The following TSGA10 variants were observed in gnomAD, a reference collection of about 807,000 sequenced individuals.
TSGA10 encodes testis-specific gene 10 protein.
Under a neutral mutation model 96.6 loss-of-function variants are expected in TSGA10, and 43 were observed. That is an observed-to-expected ratio of 0.44 (90% CI 0.35 to 0.57). The LOEUF (loss-of-function observed/expected upper bound fraction) is 0.57. Among genes scored for constraint, TSGA10 ranks in the 20% least tolerant of loss-of-function variants. The pLI is 0.01. For missense variants in TSGA10, 703 were observed against 834.4 expected, an observed-to-expected ratio of 0.84 and a Z score of 1.94; for synonymous variants, 229 against 269.9, an observed-to-expected ratio of 0.85 and a Z score of 1.48.
At chr2:99,123,645 T>C (rs2092689704) in intron 2 of TSGA10, among the ~76,000 whole-genome samples, 1 of 152,224 alleles carries the variant, frequency 6.6e-6, no homozygotes, top group Non-Finnish European at 1.5e-5. Flanking sequence ...AGAATTTTTT[T>C]ATTCCCCTCC....
intron 17 of TSGA10, among the ~76,000 whole-genome samples, chr2:99,021,977 C>A (rs2104964608): frequency 6.6e-6 from 1 of 152,174 alleles, no homozygotes; most frequent in South Asian, 2.1e-4. Context: ...AGCATATTAA[C>A]ACAGTTGTAC....
At chr2:99,079,068 C>A (rs1404706734) in intron 11 of TSGA10, 3 of 288,620 alleles carry the variant, frequency 1.0e-5, no homozygotes, top group Non-Finnish European at 1.9e-5. Flanking sequence ...AGCTCTACAT[C>A]GCAAGCTGTC....
At position 99,018,225 on chromosome 2, in the gene TSGA10, G is replaced by T; in HGVS notation, c.2047C>A (p.Arg683=). The part of the protein sequence containing the change: ...PERAHHRSPD[R]GLDRSLEENL... ...TCTTCTAATGATCGATCTAGGCCTCGGTCAGGAGATCGATGGTGAGCACGT... is the reference window on the plus strand; with the variant it reads ...TCTTCTAATGATCGATCTAGGCCTCTGTCAGGAGATCGATGGTGAGCACGT... The change falls in exon 20 of 21, where the codon CGA becomes AGA. Residue 683 remains arginine (R), a synonymous_variant. Coordinates refer to ENST00000393483, the MANE Select transcript of TSGA10 (RefSeq NM_025244.4). 6.2e-7 allele frequency: 1 copy of T among 1,613,668 alleles called. No individual in the cohort carries two copies. Among genetic ancestry groups the T allele is most frequent in the Admixed American group, 1.7e-5 (1 of 59,918 alleles).
intron 16 of TSGA10, among the ~76,000 whole-genome samples, chr2:99,056,736 T>A (rs1288966758): frequency 1.3e-5 from 2 of 149,832 alleles, no homozygotes; most frequent in African/African-American, 4.9e-5. Context: ...ATGAGGCCAG[T>A]CTCACTCTGA....
intron 10 of TSGA10, among the ~76,000 whole-genome samples, chr2:99,098,955 G>A (rs2090400503): frequency 6.6e-6 from 1 of 152,096 alleles, no homozygotes; most frequent in Admixed American, 6.5e-5. Context: ...AAGAAAAAAT[G>A]AATTGAAAAG....
At chr2:99,100,905 G>C (rs752877589) in intron 10 of TSGA10, among the ~76,000 whole-genome samples, 17 of 145,186 alleles carry the variant, frequency 1.2e-4, no homozygotes, top group Non-Finnish European at 1.9e-4. Context: ...ATGATCTTAA[G>C]GTACAAAAAT....
At chr2:99,148,058 C>T (rs6542865) in intron 1 of TSGA10, among the ~76,000 whole-genome samples, 90,999 of 151,992 alleles carry the variant, frequency 0.6, 28,032 homozygotes, top group East Asian at 0.88. Flanking sequence ...TTGGTTGCAT[C>T]TGAAATAATG....
chr2:99,141,279 G>A (rs1232553347), intron 1 of TSGA10: 3 of 657,096 alleles, frequency 4.6e-6, no homozygotes, highest in South Asian at 4.3e-5. Context: ...CGGAGCCCGC[G>A]GGAAGGAGGA....
chr2:99,141,082 C>T (rs2093525789), intron 1 of TSGA10: 9 of 1,283,292 alleles, frequency 7.0e-6, no homozygotes, highest in Non-Finnish European at 9.1e-6. Flanking sequence ...GCAGCTTCTA[C>T]CTGGAGCTCC....
rs145110890 is a variant in TSGA10 at position 99,013,875 on chromosome 2, G to A, written c.2072+4325C>T. On this transcript the variant is annotated intron_variant, in intron 20 of 20. Coordinates refer to ENST00000393483, the MANE Select transcript of TSGA10 (RefSeq NM_025244.4). ...TACTAAAAATACAAAAATTAAGGCT[G>A]GGCGCAGTGCCTCATGCCTGTAATC... 5.7e-3 allele frequency among the ~76,000 whole-genome samples: 862 copies of A among 151,626 alleles called. 9 individuals are homozygous for A. The highest frequency in any genetic ancestry group is 0.02 in the African/African-American group (837 of 41,340).
In TSGA10 at chr2:99,067,621, G is replaced by C. The variant is rs970898647; in HGVS notation, c.1218+1267C>G. ...TAATCCCAGCACTTTGGGAGGCCGA[G>C]ACAGGTGGATCACTTCAGGTCAGAA... is the stretch of plus-strand genomic sequence containing the variant. On this transcript the variant is annotated intron_variant, in intron 15 of 20. Coordinates refer to ENST00000393483, the MANE Select transcript of TSGA10 (RefSeq NM_025244.4). Among the ~76,000 whole-genome samples the C allele has an allele frequency of 1.2e-4, 18 of 152,154 alleles. 3 individuals are homozygous for C. Among genetic ancestry groups the C allele is most frequent in the Admixed American group, 1.2e-3 (18 of 15,278 alleles).
intron 10 of TSGA10, among the ~76,000 whole-genome samples, chr2:99,087,485 A>G (rs2088679620): frequency 6.6e-6 from 1 of 152,210 alleles, no homozygotes; most frequent in Non-Finnish European, 1.5e-5. Flanking sequence ...CAGCCTCGGC[A>G]ACAAAAGTAA....
At chr2:99,114,343 T>C (rs906801984) in intron 4 of TSGA10, among the ~76,000 whole-genome samples, 5 of 152,190 alleles carry the variant, frequency 3.3e-5, no homozygotes, top group Non-Finnish European at 7.4e-5. Context: ...ATATCCCCAG[T>C]GTTGGTTTTG....
chr2:99,042,831 G>A (rs2082333308), intron 16 of TSGA10, among the ~76,000 whole-genome samples: 1 of 151,774 alleles, frequency 6.6e-6, no homozygotes, highest in Non-Finnish European at 1.5e-5. Context: ...AGCCTCTCAA[G>A]TAGCTGGGAT....
chr2:99,042,040 ATT>A (rs5832865), intron 16 of TSGA10, among the ~76,000 whole-genome samples: 22 of 57,858 alleles, frequency 3.8e-4, no homozygotes, highest in East Asian at 4.4e-4. Context: ...GCCCCCCCAC[ATT>A]TTTTTTTTTT....
chr2:99,087,688 T>C (rs2088718445), intron 10 of TSGA10, among the ~76,000 whole-genome samples: 1 of 151,966 alleles, frequency 6.6e-6, no homozygotes. Context: ...ACAGTGTCTC[T>C]AGAAAAAGAA....
chr2:99,115,619 C>T (rs983281628), intron 4 of TSGA10, among the ~76,000 whole-genome samples: 1 of 152,020 alleles, frequency 6.6e-6, no homozygotes, highest in African/African-American at 2.4e-5. Context: ...GTGGCTCATG[C>T]CTGTAATCCC....
chr2:99,038,096 C>T (rs2081824168), intron 16 of TSGA10, among the ~76,000 whole-genome samples: 1 of 151,240 alleles, frequency 6.6e-6, no homozygotes, highest in Non-Finnish European at 1.5e-5. Flanking sequence ...TTTTTTCAGA[C>T]AAATGCTGAG....
intron 2 of TSGA10, chr2:99,125,093 G>T (rs1462647961): frequency 6.6e-6 from 1 of 151,836 alleles, no homozygotes; most frequent in Non-Finnish European, 1.5e-5. Context: ...TCTTTTTATG[G>T]TTTCTATAGT....
Sources: gnomAD v4.1 joint callset for allele counts (sites outside exome capture counted in the v4.1 genomes callset) on GRCh38, gnomAD v4.1.1 for gene constraint, MANE v1.5 for transcripts, NCBI Gene and HGNC (gene_info 2026-07-23, HGNC 2026-07-21) for gene names.